CNGA1: variants seen among roughly 807,000 people sequenced by gnomAD.
CNGA1 encodes cyclic nucleotide-gated channel alpha-1.
In CNGA1, 53 loss-of-function variants were observed where a neutral mutation model predicts 69.7. That is an observed-to-expected ratio of 0.76 (90% CI 0.61 to 0.96). The LOEUF (loss-of-function observed/expected upper bound fraction) is 0.96, where lower values mean the gene tolerates loss of function less well. Among genes scored for constraint, CNGA1 ranks in the 40% least tolerant of loss-of-function variants. The pLI, the probability that CNGA1 is intolerant of heterozygous loss-of-function variation, is 0.00. For synonymous variants in CNGA1, 249 were observed against 283.5 expected (o/e 0.88, Z 1.22); for missense variants, 739 against 811.2 (o/e 0.91, Z 1.08).
chr4:47,938,020 A>G (rs925143282), intron 10 of CNGA1, among the ~76,000 whole-genome samples, 191 bp from the exon 11 acceptor site: 2 of 152,046 alleles, frequency 1.3e-5, no homozygotes, highest in Admixed American at 6.6e-5. Context: ...CTGTAGAAAT[A>G]AAAGGTAAAA....
intron 2 of CNGA1, among the ~76,000 whole-genome samples, chr4:48,002,825 G>T (rs1423609485): frequency 1.3e-5 from 2 of 152,104 alleles, no homozygotes; most frequent in African/African-American, 2.4e-5. Context: ...GGCTGGCAAT[G>T]GTTTATGTCT....
chr4:47,981,633 G>A (rs778914474), intron 2 of CNGA1, 133 bp from the exon 3 acceptor site: 17 of 152,030 alleles, frequency 1.1e-4, no homozygotes, highest in African/African-American at 2.4e-4. Flanking sequence ...TTCATGACTC[G>A]GCATTGGATT....
intron 3 of CNGA1, among the ~76,000 whole-genome samples, chr4:47,962,609 T>G (rs900250448): frequency 2.3e-4 from 35 of 152,280 alleles, no homozygotes; most frequent in African/African-American, 8.2e-4. Context: ...AAAATGTACT[T>G]AATTTGCCAA....
In CNGA1 at chr4:47,937,623, T is replaced by C. The variant is rs770794275; in HGVS notation, c.859A>G (p.Arg287Gly). 7 of 1,614,086 alleles carry C rather than the reference T, an allele frequency of 4.3e-6. No homozygotes were observed. The African/African-American group carries it at 8.0e-5, about 18-fold the overall frequency. Residue 287 changes from arginine to glycine, a missense_variant, in exon 11 of 11, where the codon AGG becomes GGG. Transcript: ENST00000514170. The stretch of plus-strand genomic sequence containing the variant: ...CTGAAGATGTTTGGATAGTTTGTCC[T>C]TGTTTCTGTTCTCTGGAAGAACTCA... ...MFEFFQRTETRTNYPNIFRIS... is the reference protein window; with the variant it reads ...MFEFFQRTETGTNYPNIFRIS...
At chr4:47,969,768 C>A (rs1054342094) in intron 3 of CNGA1, among the ~76,000 whole-genome samples, 1 of 152,058 alleles carries the variant, frequency 6.6e-6, no homozygotes. Context: ...CCACGCCCCG[C>A]CAAAACTAAG....
At chr4:47,971,543 C>A (rs1741036461) in intron 3 of CNGA1, among the ~76,000 whole-genome samples, 1 of 152,036 alleles carries the variant, frequency 6.6e-6, no homozygotes, top group South Asian at 2.1e-4. Flanking sequence ...GTCAAATTGG[C>A]TCTCAGTCCT....
chr4:47,956,238 G>C (rs1740078436), intron 3 of CNGA1, among the ~76,000 whole-genome samples: 1 of 152,192 alleles, frequency 6.6e-6, no homozygotes, highest in South Asian at 2.1e-4. Flanking sequence ...AATGGGCAGG[G>C]ACACGTTGGA....
intron 3 of CNGA1, among the ~76,000 whole-genome samples, chr4:47,953,712 C>G (rs1282775707): frequency 6.6e-6 from 1 of 152,212 alleles, no homozygotes; most frequent in Non-Finnish European, 1.5e-5. Context: ...GTCTGAGACT[C>G]TGCCTTCTTC....
At position 47,951,451 on chromosome 4, in the gene CNGA1, A is replaced by T; in HGVS notation, c.126T>A (p.Asp42Glu). 2 of 1,612,796 alleles carry T rather than the reference A, an allele frequency of 1.2e-6. No homozygotes were observed. The highest frequency in any genetic ancestry group is 1.7e-6 in the Non-Finnish European group (2 of 1,178,890). Reference sequence around the variant, plus strand: ...ATTCTTCAGATGTAGAGGCACTGTCATCATCCTCAGAAAAGGAGCTACAGT... The same window carrying T: ...ATTCTTCAGATGTAGAGGCACTGTCTTCATCCTCAGAAAAGGAGCTACAGT... ...NGACSSFSED[D>E]DSASTSEESE... Residue 42 changes from aspartate (D) to glutamate (E), a missense_variant, in exon 5 of 11, where the codon GAT (aspartate) becomes GAA (glutamate). By Grantham distance (45) the Asp-to-Glu change is conservative. Coordinates refer to ENST00000514170, the MANE Select transcript of CNGA1 (RefSeq NM_001379270.1).
intron 2 of CNGA1, among the ~76,000 whole-genome samples, chr4:47,994,817 C>G (rs11944982): frequency 0.11 from 17,267 of 151,984 alleles, 1,582 homozygotes; most frequent in East Asian, 0.32. Context: ...GATGTGTTCC[C>G]AGGATTTGTT....
intron 2 of CNGA1, among the ~76,000 whole-genome samples, chr4:47,985,699 A>G (rs905287721): frequency 1.3e-5 from 2 of 152,134 alleles, no homozygotes; most frequent in African/African-American, 4.8e-5. Flanking sequence ...TTTATCTCAA[A>G]AATAAAGCAA....
intron 2 of CNGA1, among the ~76,000 whole-genome samples, chr4:48,008,764 C>A (rs1441112896): frequency 6.6e-6 from 1 of 152,188 alleles, no homozygotes; most frequent in Non-Finnish European, 1.5e-5. Flanking sequence ...TTCTAACCTC[C>A]AAGCTGTCCT....
chr4:47,937,351 A>G lies in CNGA1; in HGVS notation c.1131T>C (p.Asp377=), dbSNP rs1007613180. 3 of 1,614,048 alleles carry G rather than the reference A, an allele frequency of 1.9e-6. No homozygotes were observed. The African/African-American group carries it at 4.0e-5, about 22-fold the overall frequency. The change falls in exon 11 of 11, where the codon GAT becomes GAC. Residue 377 remains aspartate (D), a synonymous_variant. Transcript: ENST00000514170. ...CAAAAATTAACACTCCAATTAGGAA[A>G]TCAACCACCACAAAGACATACTCAG... ...RDSEYVFVVV[D]FLIGVLIFAT...
At chr4:47,969,623 C>A (rs1388634745) in intron 3 of CNGA1, among the ~76,000 whole-genome samples, 1 of 152,060 alleles carries the variant, frequency 6.6e-6, no homozygotes, top group African/African-American at 2.4e-5. Context: ...GTGTGCACCA[C>A]CAGGCCCAGC....
At chr4:47,946,127 TG>T (rs1162046733) in intron 6 of CNGA1, among the ~76,000 whole-genome samples, 1 of 152,142 alleles carries the variant, frequency 6.6e-6, no homozygotes, top group Non-Finnish European at 1.5e-5. Context: ...CATTGCATCC[TG>T]GGGAGAAAAA....
At position 47,936,308 on chromosome 4, in the gene CNGA1, C is replaced by T; in HGVS notation, c.*113G>A. ...ACCTTGCACCAAAGCACATTTTCCT[C>T]ATGGAAAAATTTCCCAACTGAGTCT... On this transcript the variant is annotated 3_prime_UTR_variant, in exon 11 of 11. Coordinates refer to ENST00000514170, the MANE Select transcript of CNGA1 (RefSeq NM_001379270.1). The T allele has an allele frequency of 8.6e-7, 1 of 1,166,158 alleles. No homozygotes were observed. Among genetic ancestry groups the T allele is most frequent in the Non-Finnish European group, 1.3e-6 (1 of 793,968 alleles). The allele number at this position is 1,166,158 out of a possible 1,614,324, so 72.2% of individuals were successfully genotyped here.
At chr4:47,953,138 A>AT (rs1410537251) in intron 3 of CNGA1, among the ~76,000 whole-genome samples, 8 of 152,322 alleles carry the variant, frequency 5.3e-5, no homozygotes, top group African/African-American at 1.9e-4. Context: ...CAGCCAAACC[A>AT]TATCAACCCT....
chr4:47,943,115 A>C (rs1578068013), intron 8 of CNGA1, 66 bp downstream of exon 8: 1 of 1,134,998 alleles, frequency 8.8e-7, no homozygotes, highest in East Asian at 2.4e-5. Flanking sequence ...GTATTATGGA[A>C]AATCATCCCT....
At chr4:47,959,613 GA>G (rs886915034) in intron 3 of CNGA1, among the ~76,000 whole-genome samples, 1 of 151,844 alleles carries the variant, frequency 6.6e-6, no homozygotes, top group African/African-American at 2.4e-5. Context: ...CAATCTAAAA[GA>G]AAAAAAATTT....
Sources: gnomAD v4.1 joint callset for allele counts (sites outside exome capture counted in the v4.1 genomes callset) on GRCh38, gnomAD v4.1.1 for gene constraint, MANE v1.5 for transcripts, NCBI Gene and HGNC (gene_info 2026-07-23, HGNC 2026-07-21) for gene names.